The following FAM210A variants were observed in gnomAD, a reference collection of about 807,000 sequenced individuals.
The protein encoded by FAM210A is mitochondrial inner membrane scaffold 1.
Under a neutral mutation model 25.3 loss-of-function variants are expected in FAM210A, and 13 were observed. The observed-to-expected ratio is 0.51, with a 90% CI of 0.33 to 0.82. The LOEUF (loss-of-function observed/expected upper bound fraction) is 0.82. Ranked by LOEUF, FAM210A falls within the 40% of genes least tolerant of loss-of-function variation. The pLI is 0.02. For synonymous variants in FAM210A, 125 were observed against 118.7 expected, an observed-to-expected ratio of 1.05 and a Z score of -0.35; for missense variants, 319 against 323.2, an observed-to-expected ratio of 0.99 and a Z score of 0.10.
At chr18:13,698,493 A>G (rs950056105) in intron 1 of FAM210A, among the ~76,000 whole-genome samples, 3 of 152,128 alleles carry the variant, frequency 2.0e-5, no homozygotes, top group Admixed American at 6.6e-5. Flanking sequence ...CAAATATCCT[A>G]AGATTCATTC....
chr18:13,707,375 A>G (rs895463244), intron 1 of FAM210A, among the ~76,000 whole-genome samples: 3 of 152,232 alleles, frequency 2.0e-5, no homozygotes, highest in Non-Finnish European at 2.9e-5. Flanking sequence ...CTAAAACTTT[A>G]AGGAAACACA....
chr18:13,713,935 C>T (rs1466192575), intron 1 of FAM210A, among the ~76,000 whole-genome samples: 1 of 152,110 alleles, frequency 6.6e-6, no homozygotes, highest in Admixed American at 6.6e-5. Context: ...ACATTACTCC[C>T]GGAAATTTAA....
intron 1 of FAM210A, among the ~76,000 whole-genome samples, chr18:13,706,709 T>C (rs1206746149): frequency 6.6e-6 from 1 of 152,168 alleles, no homozygotes; most frequent in Non-Finnish European, 1.5e-5. Context: ...AGGCTATTGT[T>C]GCACAACAGA....
intron 1 of FAM210A, among the ~76,000 whole-genome samples, chr18:13,688,684 C>A (rs1036322899): frequency 6.6e-6 from 1 of 152,236 alleles, no homozygotes; most frequent in Non-Finnish European, 1.5e-5. Context: ...GCAGCCACCC[C>A]ACGTGACGAG....
Position 13,671,927 on chromosome 18 carries a change from T to A in FAM210A, c.520A>T (p.Ser174Cys). The A allele has an allele frequency of 6.2e-7, 1 of 1,613,380 alleles. No homozygotes were observed. Among genetic ancestry groups the A allele is most frequent in the African/African-American group, 1.3e-5 (1 of 74,842 alleles). ...PFLELIGLPDSVVSILKNSQS... is the reference protein window; with the variant it reads ...PFLELIGLPDCVVSILKNSQS... Reference sequence around the variant, plus strand: ...GAGTTTTTCAGGATGCTTACCACACTGTCAGGTAACCCAATGAGTTCTAGA... The same window carrying A: ...GAGTTTTTCAGGATGCTTACCACACAGTCAGGTAACCCAATGAGTTCTAGA... The change falls in exon 3 of 4, where the codon AGT (serine) becomes TGT (cysteine). Residue 174 changes from serine to cysteine, a missense_variant. Physicochemically the swap from Ser to Cys is moderately radical, Grantham distance 112. Coordinates refer to ENST00000651643, the MANE Select transcript of FAM210A (RefSeq NM_152352.4).
intron 1 of FAM210A, among the ~76,000 whole-genome samples, chr18:13,706,680 A>T (rs1330351374): frequency 6.6e-6 from 1 of 152,262 alleles, no homozygotes; most frequent in Non-Finnish European, 1.5e-5. Context: ...GATAGGCTTT[A>T]TAGCAGTTTC....
At chr18:13,686,218 T>C (rs560623387) in intron 1 of FAM210A, among the ~76,000 whole-genome samples, 15 of 152,282 alleles carry the variant, frequency 9.9e-5, no homozygotes, top group Admixed American at 3.3e-4. Context: ...ATCTGAGGAA[T>C]TCAAGTCTTT....
At chr18:13,668,064 C>T (rs574263533) in intron 3 of FAM210A, among the ~76,000 whole-genome samples, 182 of 152,196 alleles carry the variant, frequency 1.2e-3, no homozygotes, top group African/African-American at 3.9e-3. Flanking sequence ...CTGTCTCAAA[C>T]GAAACAAAAC....
Position 13,666,327 on chromosome 18 carries a change from T to C in FAM210A, c.*153A>G, listed in dbSNP as rs1267492987. ...AATAACACTGATTTTTCTAGTGATATTTAACTTTAAAAAGGTATTTTACTT... is the reference window on the plus strand; with the variant it reads ...AATAACACTGATTTTTCTAGTGATACTTAACTTTAAAAAGGTATTTTACTT... On this transcript the variant is annotated 3_prime_UTR_variant, in exon 4 of 4. Coordinates refer to ENST00000651643, the MANE Select transcript of FAM210A (RefSeq NM_152352.4). The C allele has an allele frequency of 3.2e-6, 2 of 632,820 alleles. No individual in the cohort carries two copies. The highest frequency in any genetic ancestry group is 5.5e-6 in the Non-Finnish European group (2 of 364,970). The allele number at this position is 632,820 out of a possible 1,614,324, so 39.2% of individuals were successfully genotyped here. A position where few individuals can be genotyped will look rare whatever the true frequency, so the allele number is the denominator to read the frequency against.
intron 2 of FAM210A, among the ~76,000 whole-genome samples, chr18:13,672,371 AC>A (rs2043450610): frequency 6.6e-6 from 1 of 152,198 alleles, no homozygotes; most frequent in Non-Finnish European, 1.5e-5. Context: ...ACATTTTAAG[AC>A]CTAAAATTTT....
chr18:13,711,514 T>C (rs960635392), intron 1 of FAM210A, among the ~76,000 whole-genome samples: 1 of 152,194 alleles, frequency 6.6e-6, no homozygotes, highest in African/African-American at 2.4e-5. Flanking sequence ...ATTGATACCT[T>C]TTGGGCCTTT....
At chr18:13,704,995 A>C (rs1360414129) in intron 1 of FAM210A, among the ~76,000 whole-genome samples, 4 of 152,214 alleles carry the variant, frequency 2.6e-5, no homozygotes, top group African/African-American at 7.2e-5. Flanking sequence ...GGACCCTAAA[A>C]AGCACTCTTG....
intron 1 of FAM210A, among the ~76,000 whole-genome samples, chr18:13,689,504 T>C (rs2149060209): frequency 6.6e-6 from 1 of 152,306 alleles, no homozygotes; most frequent in South Asian, 2.1e-4. Context: ...TTCTTCAACC[T>C]GATAAAGAAC....
intron 2 of FAM210A, among the ~76,000 whole-genome samples, chr18:13,677,224 G>A (rs913354026): frequency 2.0e-5 from 3 of 152,054 alleles, no homozygotes; most frequent in Non-Finnish European, 2.9e-5. Context: ...ACAGGTGCCC[G>A]CCACCACGCC....
intron 1 of FAM210A, among the ~76,000 whole-genome samples, chr18:13,722,306 C>G (rs533336946): frequency 3.3e-5 from 5 of 151,308 alleles, no homozygotes; most frequent in Non-Finnish European, 7.4e-5. Flanking sequence ...CATCCTAGAT[C>G]CAACCATCCC....
intron 1 of FAM210A, among the ~76,000 whole-genome samples, chr18:13,695,196 T>C (rs1186120855): frequency 2.0e-5 from 3 of 152,180 alleles, no homozygotes; most frequent in Non-Finnish European, 4.4e-5. Context: ...ATGGCGATCA[T>C]TAAAAAGTCA....
intron 3 of FAM210A, among the ~76,000 whole-genome samples, chr18:13,669,737 C>T (rs939117090): frequency 3.3e-5 from 5 of 152,132 alleles, no homozygotes; most frequent in East Asian, 1.9e-4. Context: ...TTCTTTGATT[C>T]GTTTATTCCC....
At chr18:13,666,803 T>A (rs758172379) in intron 3 of FAM210A, 90 bp from the exon 4 acceptor site, 2 of 1,172,090 alleles carry the variant, frequency 1.7e-6, no homozygotes, top group Non-Finnish European at 2.4e-6. Flanking sequence ...TTCTTGGTAA[T>A]AACCCATCAG....
At chr18:13,702,198 G>A (rs1196803628) in intron 1 of FAM210A, among the ~76,000 whole-genome samples, 2 of 152,218 alleles carry the variant, frequency 1.3e-5, no homozygotes, top group African/African-American at 4.8e-5. Flanking sequence ...TTACCAGTCA[G>A]ACTTCTACCT....
Sources: gnomAD v4.1 joint callset for allele counts (sites outside exome capture counted in the v4.1 genomes callset) on GRCh38, gnomAD v4.1.1 for gene constraint, MANE v1.5 for transcripts, NCBI Gene and HGNC (gene_info 2026-07-23, HGNC 2026-07-21) for gene names.